Variants in PTPN22 observed in about 807,000 individuals in gnomAD.
The protein encoded by PTPN22 is tyrosine-protein phosphatase non-receptor type 22.
A neutral mutation model predicts 103.3 loss-of-function variants in PTPN22; 85 were observed. That is an observed-to-expected ratio of 0.82 (90% confidence interval 0.69 to 0.99). PTPN22 has a LOEUF of 0.99. PTPN22 is among the 50% of genes least tolerant of loss of function. The pLI, the probability that PTPN22 is intolerant of heterozygous loss-of-function variation, is 0.00. For synonymous variants in PTPN22, 323 were observed against 310.2 expected (o/e 1.04, Z -0.43); for missense variants, 865 against 936.9 (o/e 0.92, Z 1.00).
chr1:113,816,111 C>T (rs1004094602), intron 20 of PTPN22, among the ~76,000 whole-genome samples: 1 of 152,166 alleles, frequency 6.6e-6, no homozygotes, highest in African/African-American at 2.4e-5. Context: ...TTAATTTCAT[C>T]ATCATACAAA....
At position 113,858,983 on chromosome 1, in the gene PTPN22, T is replaced by G. The variant is rs761776360; in HGVS notation, c.273+19A>C. ...GTATCTAGAGAAATATGGAATGCTT[T>G]TATTTTCTTTCACTGTACCTTAATG... is the stretch of plus-strand genomic sequence containing the variant. On this transcript the variant is annotated intron_variant, in intron 3 of 20. Coordinates refer to ENST00000359785, the Ensembl canonical transcript of PTPN22. 6.2e-7 allele frequency: 1 copy of G among 1,610,332 alleles called. No homozygotes were observed. The highest frequency in any genetic ancestry group is 1.1e-5 in the South Asian group (1 of 90,374).
exon 11 of PTPN22, chr1:113,848,626 C>T (rs72483511): frequency 1.9e-6 from 3 of 1,611,264 alleles, no homozygotes; most frequent in East Asian, 2.2e-5. Context: ...TCATATTGTT[C>T]CTGAAGAGCA....
intron 12 of PTPN22, 48 bp from the exon 13 acceptor site, chr1:113,838,455 C>G (rs74163652): frequency 4.5e-5 from 71 of 1,585,424 alleles, no homozygotes; most frequent in Admixed American, 2.2e-4. Context: ...CCAAACAGGC[C>G]GCTTCCTAGC....
At chr1:113,816,677 G>A (rs1661178582) in intron 20 of PTPN22, among the ~76,000 whole-genome samples, 1 of 152,132 alleles carries the variant, frequency 6.6e-6, no homozygotes, top group African/African-American at 2.4e-5. Flanking sequence ...GGGAGGCTGA[G>A]GTGAGTGGAT....
At chr1:113,839,548 GA>G (rs1333885963) in intron 11 of PTPN22, among the ~76,000 whole-genome samples, 1 of 151,966 alleles carries the variant, frequency 6.6e-6, no homozygotes, top group Non-Finnish European at 1.5e-5. Context: ...ATCATATTAT[GA>G]AATATGTTAT....
At chr1:113,842,207 C>A (rs1464792393) in intron 11 of PTPN22, among the ~76,000 whole-genome samples, 1 of 151,156 alleles carries the variant, frequency 6.6e-6, no homozygotes, top group South Asian at 2.1e-4. Flanking sequence ...AAGACCCTGA[C>A]TAAAAAAAAA....
intron 1 of PTPN22, 135 bp downstream of exon 1, chr1:113,871,402 T>TC: frequency 3.1e-6 from 2 of 642,348 alleles, no homozygotes; most frequent in Non-Finnish European, 5.4e-6. Flanking sequence ...AGTCAAACTT[T>TC]TTTTTTTCTG....
At chr1:113,819,502 A>T in intron 20 of PTPN22, 75 bp downstream of exon 20, 1 of 1,093,418 alleles carries the variant, frequency 9.1e-7, no homozygotes, top group Non-Finnish European at 1.3e-6. Context: ...AATCATATTT[A>T]AAGTTGAATC....
intron 11 of PTPN22, among the ~76,000 whole-genome samples, chr1:113,841,076 T>G (rs539809881): frequency 6.6e-6 from 1 of 151,754 alleles, no homozygotes; most frequent in South Asian, 2.1e-4. Flanking sequence ...AATACAAAAT[T>G]AGCCAGGCAT....
At chr1:113,841,093 G>A (rs573427012) in intron 11 of PTPN22, among the ~76,000 whole-genome samples, 19 of 151,864 alleles carry the variant, frequency 1.3e-4, no homozygotes, top group South Asian at 1.0e-3. Context: ...GCATGGTGGC[G>A]CATGCCTGTA....
At chr1:113,870,658 A>G (rs555509621) in intron 1 of PTPN22, among the ~76,000 whole-genome samples, 1 of 152,268 alleles carries the variant, frequency 6.6e-6, no homozygotes, top group Admixed American at 6.5e-5. Context: ...TCTCCAAGCA[A>G]AAGAAGTTAA....
At chr1:113,840,686 A>G (rs979396144) in intron 11 of PTPN22, among the ~76,000 whole-genome samples, 2 of 152,254 alleles carry the variant, frequency 1.3e-5, no homozygotes, top group South Asian at 2.1e-4. Context: ...CAATCTTGAA[A>G]AAGAAGAGCA....
At chr1:113,837,376 G>A (rs962191706) in intron 13 of PTPN22, among the ~76,000 whole-genome samples, 1 of 151,752 alleles carries the variant, frequency 6.6e-6, no homozygotes, top group African/African-American at 2.4e-5. Context: ...CTTGAACTCT[G>A]GAGGCGGAAG....
chr1:113,832,393 T>A (rs1662623758), intron 16 of PTPN22, among the ~76,000 whole-genome samples: 1 of 152,198 alleles, frequency 6.6e-6, no homozygotes, highest in South Asian at 2.1e-4. Context: ...TTGGCCAGGA[T>A]GGTCTCGATC....
intron 18 of PTPN22, among the ~76,000 whole-genome samples, chr1:113,827,047 T>C (rs1571352263): frequency 1.3e-5 from 2 of 152,334 alleles, no homozygotes; most frequent in Non-Finnish European, 2.9e-5. Flanking sequence ...TGTATGTTTT[T>C]AATCTGCTTC....
intron 19 of PTPN22, among the ~76,000 whole-genome samples, chr1:113,823,755 G>A (rs1661811645): frequency 6.6e-6 from 1 of 152,182 alleles, no homozygotes; most frequent in East Asian, 1.9e-4. Context: ...GCACTTGGCT[G>A]TTTTATTTCC....
intron 5 of PTPN22, 193 bp downstream of exon 5, chr1:113,857,545 A>G: frequency 1.8e-6 from 1 of 543,424 alleles, no homozygotes; most frequent in Non-Finnish European, 3.3e-6. Context: ...GGGTCTACTG[A>G]GAAAACAAAC....
intron 19 of PTPN22, among the ~76,000 whole-genome samples, chr1:113,822,399 C>T (rs1460965359): frequency 6.6e-6 from 1 of 152,158 alleles, no homozygotes; most frequent in African/African-American, 2.4e-5. Flanking sequence ...TTATGGATTC[C>T]CATTACACTT....
intron 11 of PTPN22, among the ~76,000 whole-genome samples, chr1:113,847,989 C>T (rs1387902847): frequency 6.6e-6 from 1 of 152,156 alleles, no homozygotes; most frequent in African/African-American, 2.4e-5. Flanking sequence ...TCCACCTTGG[C>T]CTTCCAAAGT....
Sources: gnomAD v4.1 joint callset for allele counts (sites outside exome capture counted in the v4.1 genomes callset) on GRCh38, gnomAD v4.1.1 for gene constraint, MANE v1.5 for transcripts, NCBI Gene and HGNC (gene_info 2026-07-23, HGNC 2026-07-21) for gene names.